The following TTN variants were observed in gnomAD, a reference collection of about 807,000 sequenced individuals.
TTN encodes the protein connectin.
In TTN, 1,525 loss-of-function variants were observed where a neutral mutation model predicts 3,223.0. The ratio of observed to expected loss-of-function variants is 0.47; its 90% confidence interval spans 0.45 to 0.49. TTN has a LOEUF of 0.49. Among genes scored for constraint, TTN ranks in the 20% least tolerant of loss-of-function variants. The pLI is 0.00. For missense variants in TTN, 40,786 were observed against 43,424.0 expected (o/e 0.94, Z 5.40); for synonymous variants, 14,094 against 15,161.0 (o/e 0.93, Z 5.17).
Position 178,564,510 on chromosome 2 carries a change from C to T in TTN, c.81622G>A (p.Glu27208Lys). ...GGSKITGYIVEKKDLPDGRWM... is the reference protein window; with the variant it reads ...GGSKITGYIVKKKDLPDGRWM... ...CGGCCATCAGGTAGATCTTTCTTTT[C>T]TACAATATAACCTGTTATTTTGCTA... The change falls in exon 326 of 363, where the codon GAA becomes AAA. Residue 27208 changes from glutamate to lysine, a missense_variant. By Grantham distance (56) the Glu-to-Lys change is moderately conservative. Transcript: ENST00000589042. 1 of 1,612,516 alleles carries T rather than the reference C, an allele frequency of 6.2e-7. No individual in the cohort carries two copies. The highest frequency in any genetic ancestry group is 8.5e-7 in the Non-Finnish European group (1 of 1,179,190).
intron 103 of TTN, 21 bp from the exon 104 acceptor site, chr2:178,704,987 A>G (rs2075622374): frequency 6.2e-7 from 1 of 1,609,514 alleles, no homozygotes; most frequent in African/African-American, 1.3e-5. Flanking sequence ...CAAAAATGAT[A>G]GGCATTACAG....
At chr2:178,798,719 A>C (rs968376875) in intron 6 of TTN, 1 of 152,190 alleles carries the variant, frequency 6.6e-6, no homozygotes, top group African/African-American at 2.4e-5. Flanking sequence ...AACATTGAGG[A>C]TAATAATTCT....
Position 178,732,945 on chromosome 2 carries a change from T to G in TTN, c.16231A>C (p.Thr5411Pro). 6.2e-7 allele frequency: 1 copy of G among 1,613,620 alleles called. No individual in the cohort carries two copies. Residue 5411 changes from threonine to proline, a missense_variant, in exon 55 of 363, where the codon ACA (threonine) becomes CCA (proline). Transcript: ENST00000589042. ...DRYRIAFVEG[T>P]ASLEIIRVDM... The stretch of plus-strand genomic sequence containing the variant: ...ACTCTGATGATCTCCAAAGAGGCTG[T>G]GCCTTCCACAAATGCTATCCTGTAT...
chr2:178,576,408 C>T lies in TTN; in HGVS notation c.69724G>A (p.Gly23242Arg), dbSNP rs1312382242. 1.7e-5 allele frequency: 26 copies of T among 1,573,626 alleles called. No homozygotes were observed. The highest frequency in any genetic ancestry group is 2.2e-5 in the Non-Finnish European group (26 of 1,167,188). ...VLMKDAAYPPGPPSNPHVTDT... is the reference protein window; with the variant it reads ...VLMKDAAYPPRPPSNPHVTDT... Reference sequence around the variant, plus strand: ...GTGACATGCGGATTTGAAGGTGGTCCTGGAGGATCTGAGAAAGAAACAAAG... The same window carrying T: ...GTGACATGCGGATTTGAAGGTGGTCTTGGAGGATCTGAGAAAGAAACAAAG... The change falls in exon 326 of 363, where the codon GGA becomes AGA. Residue 23242 changes from glycine (G) to arginine (R), a missense_variant. By Grantham distance (125) the Gly-to-Arg change is moderately radical (BLOSUM62 -2). Coordinates refer to ENST00000589042, the MANE Select transcript of TTN (RefSeq NM_001267550.2). This position sits in a 1 kb window ranked among gnomAD's most constrained non-coding sequence, Gnocchi z 4.3.
Position 178,633,486 on chromosome 2 carries a change from C to T in TTN, c.42873G>A (p.Ala14291=), listed in dbSNP as rs370216450. 1.7e-5 allele frequency: 27 copies of T among 1,613,076 alleles called. No individual in the cohort carries two copies. The highest frequency in any genetic ancestry group is 1.5e-4 in the Admixed American group (9 of 59,928). ...CATATTCGCCTTTATCTTTAAGGTC[C>T]GCCTTTTTGATTTTTAAGATGCGGC... The part of the protein sequence containing the change: ...GLRRILKIKK[A]DLKDKGEYVC... The change falls in exon 232 of 363, where the codon GCG becomes GCA. Residue 14291 remains alanine, a synonymous_variant. Transcript: ENST00000589042.
At chr2:178,779,512 A>C (rs760406058) in intron 22 of TTN, 50 bp from the exon 23 acceptor site, 4 of 1,173,110 alleles carry the variant, frequency 3.4e-6, no homozygotes, top group East Asian at 2.5e-5. Flanking sequence ...TTACTGATAT[A>C]AATTATTTAA....
At chr2:178,793,629 C>G in intron 8 of TTN, 88 bp from the exon 9 acceptor site, 1 of 1,581,680 alleles carries the variant, frequency 6.3e-7, no homozygotes, top group Non-Finnish European at 8.6e-7. Context: ...ATGGTGAAAT[C>G]CTCTACTAAA....
Position 178,684,752 on chromosome 2 carries a change from TA to T in TTN, c.32555-4del, listed in dbSNP as rs1460755312. 6.8e-6 allele frequency: 11 copies of T among 1,613,358 alleles called. 1 individual carries two copies. The South Asian group carries it at 1.1e-4, about 16-fold the overall frequency. On this transcript the variant is annotated splice_region_variant and splice_polypyrimidine_tract_variant and intron_variant, in intron 130 of 362. Transcript: ENST00000589042. ...TGGTTTCTTTGGCTCTTCTGGCACT[TA>T]AAAGATACCAGGCAATACCATCAAA...
At chr2:178,712,268 AG>A (rs1434474446) in intron 95 of TTN, 46 bp from the exon 96 acceptor site, 1 of 1,608,608 alleles carries the variant, frequency 6.2e-7, no homozygotes, top group South Asian at 1.1e-5. Context: ...GAGACATGCC[AG>A]ATCATCGATT....
In TTN at chr2:178,542,564, C is replaced by T. The variant is rs1165087806; in HGVS notation, c.97193-1G>A. 1 of 1,597,244 alleles carries T rather than the reference C, an allele frequency of 6.3e-7. No individual in the cohort carries two copies. On this transcript the variant is annotated splice_acceptor_variant, in intron 348 of 362. Coordinates refer to ENST00000589042, the MANE Select transcript of TTN (RefSeq NM_001267550.2). LOFTEE classifies it high-confidence loss of function. ...GGTCCTGTTGGTGGACCAGGCTTGT[C>T]TATGAAAGAGAAGAAATACAGGAAA...
At position 178,614,132 on chromosome 2, in the gene TTN, A is replaced by G. The variant is rs746167353; in HGVS notation, c.49265T>C (p.Ile16422Thr). ...ATKLIPNKEY[I>T]FRVAAENMYG... ...CATGTTTTCTGCAGCAACTCTGAAG[A>G]TGTACTCTTTATTGGGGATTAATTT... The change falls in exon 262 of 363, where the codon ATC becomes ACC. Residue 16422 changes from isoleucine (I) to threonine (T), a missense_variant. Physicochemically the swap from Ile to Thr is moderately conservative, Grantham distance 89. Transcript: ENST00000589042. The G allele has an allele frequency of 1.6e-5, 26 of 1,612,440 alleles. No individual in the cohort carries two copies. Among genetic ancestry groups the G allele is most frequent in the African/African-American group, 6.7e-5 (5 of 74,900 alleles).
rs879119259 is a variant in TTN at position 178,741,557 on chromosome 2, A to G, written c.11676T>C (p.Cys3892=). The part of the protein sequence containing the change: ...TKLEDEGEYT[C]MASNDYGKTI... ...TCTTTCCATAGTCATTACTGGCCAT[A>G]CATGTATACTCTCCCTCATCCTCCA... Residue 3892 remains cysteine (C), a synonymous_variant, in exon 48 of 363, where the codon TGT becomes TGC. Coordinates refer to ENST00000589042, the MANE Select transcript of TTN (RefSeq NM_001267550.2). The G allele has an allele frequency of 3.1e-6, 5 of 1,613,822 alleles. No individual in the cohort carries two copies. Among genetic ancestry groups the G allele is most frequent in the African/African-American group, 1.3e-5 (1 of 75,028 alleles).
intron 112 of TTN, among the ~76,000 whole-genome samples, chr2:178,698,494 T>C (rs1208128603): frequency 2.6e-5 from 4 of 151,888 alleles, no homozygotes; most frequent in Non-Finnish European, 5.9e-5. Flanking sequence ...CCCATAAATA[T>C]ATACACAATA....
chr2:178,752,387 A>C (rs2085800175), intron 47 of TTN, among the ~76,000 whole-genome samples: 1 of 152,074 alleles, frequency 6.6e-6, no homozygotes. Context: ...CCTGACTTGC[A>C]GAGAGTGGAA....
At chr2:178,683,920 T>A (rs2070110844) in intron 133 of TTN, 79 bp downstream of exon 133, 1 of 1,058,612 alleles carries the variant, frequency 9.4e-7, no homozygotes, top group African/African-American at 1.6e-5. Context: ...TTTTTTCTAA[T>A]GGAACCTATT....
In TTN at chr2:178,534,358, C is replaced by T; in HGVS notation, c.102257G>A (p.Arg34086Lys). Residue 34086 changes from arginine (R) to lysine (K), a missense_variant, in exon 358 of 363, where the codon AGA (arginine) becomes AAA (lysine). Arg to Lys is a conservative substitution (Grantham distance 26). Transcript: ENST00000589042. ...GTAATAACGCCGGTGTTTTAATGTT[C>T]TGATAACTTTAGTACTGACTCTTTC... ...KIERVSTKVI[R>K]TLKHRRYYHT... 6.2e-7 allele frequency: 1 copy of T among 1,611,726 alleles called. No homozygotes were observed. The highest frequency in any genetic ancestry group is 8.5e-7 in the Non-Finnish European group (1 of 1,179,810).
Position 178,588,875 on chromosome 2 carries a change from T to C in TTN, c.62850A>G (p.Thr20950=), listed in dbSNP as rs777152507. The change falls in exon 304 of 363, where the codon ACA becomes ACG. Residue 20950 remains threonine, a synonymous_variant. Transcript: ENST00000589042. ...AENKIGTGPP[T]ESKPVIAKTK... ...TTTTGGCTATGACTGGTTTACTTTC[T>C]GTTGGAGGCCCTGTGCCTATTTTAT... The C allele has an allele frequency of 1.9e-6, 3 of 1,613,360 alleles. No individual in the cohort carries two copies. Among genetic ancestry groups the C allele is most frequent in the Non-Finnish European group, 2.5e-6 (3 of 1,179,630 alleles).
chr2:178,793,808 A>G (rs2093634830), intron 8 of TTN, among the ~76,000 whole-genome samples: 1 of 152,150 alleles, frequency 6.6e-6, no homozygotes, highest in Non-Finnish European at 1.5e-5. Context: ...TCAGAAAAGA[A>G]AAAAAAGTTA....
At position 178,621,846 on chromosome 2, in the gene TTN, C is replaced by T. The variant is rs1385769840; in HGVS notation, c.45076G>A (p.Val15026Ile). 6.2e-7 allele frequency: 1 copy of T among 1,612,054 alleles called. No homozygotes were observed. Among genetic ancestry groups the T allele is most frequent in the Non-Finnish European group, 8.5e-7 (1 of 1,178,934 alleles). Residue 15026 changes from valine to isoleucine, a missense_variant, in exon 244 of 363, where the codon GTT (valine) becomes ATT (isoleucine). Transcript: ENST00000589042. Reference protein sequence around the residue: ...RTARTSGMLTVLEEEAVFTKN... With the variant: ...RTARTSGMLTILEEEAVFTKN... ...AGAATGACTTTACTCTTACCCAGAA[C>T]TGTCAGCATGCCAGAAGTTCTCGCT...
Sources: gnomAD v4.1 joint callset for allele counts (sites outside exome capture counted in the v4.1 genomes callset) on GRCh38, gnomAD v4.1.1 for gene constraint, Gnocchi (gnomAD v3.1) non-coding constraint, MANE v1.5 for transcripts, NCBI Gene and HGNC (gene_info 2026-07-23, HGNC 2026-07-21) for gene names.